FOXA1: variants seen among roughly 807,000 people sequenced by gnomAD.
FOXA1 encodes forkhead box A1, also known as hepatocyte nuclear factor 3-alpha.
In FOXA1, 9 loss-of-function variants were observed where a neutral mutation model predicts 29.2. The ratio of observed to expected loss-of-function variants is 0.31; its 90% CI spans 0.19 to 0.54. The LOEUF is 0.54. Among genes scored for constraint, FOXA1 ranks in the 20% least tolerant of loss-of-function variants. The probability of loss-of-function intolerance (pLI) is 0.95; values close to 1 mark genes in which losing one functional copy is unlikely to be tolerated. For synonymous variants in FOXA1, 340 were observed against 300.9 expected (o/e 1.13, Z -1.34); for missense variants, 644 against 681.2 (o/e 0.95, Z 0.61).
rs1474381066 is a variant in FOXA1 at position 37,591,712 on chromosome 14, G to A, written c.1072C>T (p.Pro358Ser). 4 of 1,580,964 alleles carry A rather than the reference G, an allele frequency of 2.5e-6. No homozygotes were observed. The highest frequency in any genetic ancestry group is 2.7e-5 in the African/African-American group (2 of 74,242). The change falls in exon 2 of 2, where the codon CCC becomes TCC. Residue 358 changes from proline to serine, a missense_variant. Physicochemically the swap from Pro to Ser is moderately conservative, Grantham distance 74. Coordinates refer to ENST00000250448, the MANE Select transcript of FOXA1 (RefSeq NM_004496.5). ...GCCCCGGGCCCGGAGCTTATGGGGG[G>A]CGCAGTTGAGGAGGCTGGAGTCTTC... is the stretch of plus-strand genomic sequence containing the variant. ...ELKTPASSTA[P>S]PISSGPGALA...
In FOXA1 at chr14:37,589,719, CA is replaced by C. The variant is rs11335498; in HGVS notation, c.*1645del. Among the ~76,000 whole-genome samples the C allele has an allele frequency of 0.19, 26,772 of 138,616 alleles. 3,323 individuals are homozygous for C. The highest frequency in any genetic ancestry group is 0.38 in the African/African-American group (14,411 of 38,216). The allele number at this position is 138,616 out of a possible 152,430, so 90.9% of individuals were successfully genotyped here. A position where few individuals can be genotyped will look rare whatever the true frequency, so the allele number is the denominator to read the frequency against. ...AAACACAGAAGGCTTAAGCCGGTGTCAAAAAAAAAAAAAAAAATGAAGTAAA... is the reference window on the plus strand; with the variant it reads ...AAACACAGAAGGCTTAAGCCGGTGTCAAAAAAAAAAAAAAAATGAAGTAAA... On this transcript the variant is annotated 3_prime_UTR_variant, in exon 2 of 2. Transcript: ENST00000250448.
intron 1 of FOXA1, chr14:37,594,159 T>C: frequency 7.8e-7 from 1 of 1,288,708 alleles, no homozygotes. Context: ...AATTAAACTT[T>C]TGGAGGGTAA....
rs1481189129 is a variant in FOXA1, at chr14:37,590,462, G to C, written c.*903C>G. 12 of 226,888 alleles carry C rather than the reference G, an allele frequency of 5.3e-5. No homozygotes were observed. The highest frequency in any genetic ancestry group is 9.6e-5 in the Non-Finnish European group (11 of 114,330). The allele number at this position is 226,888 out of a possible 1,614,324, so 14.1% of individuals were successfully genotyped here. ...ATACACTCATAGAAACTAATTTTATGTGTTATGTGACCTCAGAATGACATG... is the reference window on the plus strand; with the variant it reads ...ATACACTCATAGAAACTAATTTTATCTGTTATGTGACCTCAGAATGACATG... On this transcript the variant is annotated 3_prime_UTR_variant, in exon 2 of 2. Transcript: ENST00000250448.
chr14:37,594,137 T>C (rs1278238746), intron 1 of FOXA1: 1 of 1,288,260 alleles, frequency 7.8e-7, no homozygotes. Flanking sequence ...AATACGCGTT[T>C]TCAATAATGG....
rs942888244 is a variant in FOXA1, at chr14:37,594,066, T to C, written c.72+835A>G. ...TATTTTTCTGTCCACGTCTTAAAAG[T>C]ATTTTTTACCTTGGGGCTTTATTTT... On this transcript the variant is annotated intron_variant, in intron 1 of 1. Coordinates refer to ENST00000250448, the MANE Select transcript of FOXA1 (RefSeq NM_004496.5). 11 of 1,247,646 alleles carry C rather than the reference T, an allele frequency of 8.8e-6. No individual in the cohort carries two copies. The African/African-American group carries it at 1.6e-4, about 18-fold the overall frequency. 77.3% of individuals were successfully genotyped at this position (1,247,646 alleles called of 1,614,324 possible).
rs1289599630 is a variant in FOXA1 at position 37,589,937 on chromosome 14, T to C, written c.*1428A>G. On this transcript the variant is annotated 3_prime_UTR_variant, in exon 2 of 2. Coordinates refer to ENST00000250448, the MANE Select transcript of FOXA1 (RefSeq NM_004496.5). ...ATTTGAAAAATATCGTATTCAGAAA[T>C]ATTCACTTCGGATTTAGTTAAGTGA... 2 of 232,110 alleles carry C rather than the reference T, an allele frequency of 8.6e-6. No homozygotes were observed. Among genetic ancestry groups the C allele is most frequent in the Non-Finnish European group, 1.7e-5 (2 of 117,384 alleles). 14.4% of individuals were successfully genotyped at this position (232,110 alleles called of 1,614,324 possible).
rs748008039 is a variant in FOXA1 at position 37,592,520 on chromosome 14, G to A, written c.264C>T (p.Gly88=). 25 of 1,612,792 alleles carry A rather than the reference G, an allele frequency of 1.6e-5. No homozygotes were observed. The highest frequency in any genetic ancestry group is 2.0e-5 in the Non-Finnish European group (24 of 1,179,630). ...SPGAVAGMPG[G]SAGAMNSMTA... is the part of the protein sequence containing the mutation. Reference sequence around the variant, plus strand: ...TCATGCTGTTCATGGCGCCCGCCGAGCCCCCCGGCATGCCGGCTACTGCGC... The same window carrying A: ...TCATGCTGTTCATGGCGCCCGCCGAACCCCCCGGCATGCCGGCTACTGCGC... The change falls in exon 2 of 2, where the codon GGC becomes GGT. Residue 88 remains glycine (G), a synonymous_variant. Coordinates refer to ENST00000250448, the MANE Select transcript of FOXA1 (RefSeq NM_004496.5).
rs547119825 is a variant in FOXA1, at chr14:37,592,388, G to T, written c.396C>A (p.Ala132=). 7.1e-5 allele frequency: 114 copies of T among 1,601,292 alleles called. 1 individual carries two copies. In the South Asian group the frequency reaches 1.1e-3, roughly 16 times the overall value. The change falls in exon 2 of 2, where the codon GCC becomes GCA. Residue 132 remains alanine, a synonymous_variant. Transcript: ENST00000250448. The part of the protein sequence containing the change: ...ASMNGLGPYA[A]AMNPCMSPMA... The stretch of plus-strand genomic sequence containing the variant: ...TGGGGCTCATGCACGGGTTCATGGC[G>T]GCCGCGTAGGGGCCCAGGCCATTCA...
Position 37,595,031 on chromosome 14 carries a change from C to A in FOXA1, c.-59G>T, listed in dbSNP as rs2095600908. 1.3e-6 allele frequency: 2 copies of A among 1,487,960 alleles called. No homozygotes were observed. The highest frequency in any genetic ancestry group is 2.6e-5 in the East Asian group (1 of 38,940). The allele number at this position is 1,487,960 out of a possible 1,614,324, so 92.2% of individuals were successfully genotyped here. ...CCCTGTGCGAAGCGACGGGCGGCCG[C>A]GCGGCGCGGGGCGGGGGAGGGGAGC... On this transcript the variant is annotated 5_prime_UTR_variant, in exon 1 of 2. Coordinates refer to ENST00000250448, the MANE Select transcript of FOXA1 (RefSeq NM_004496.5).
chr14:37,593,492 C>CTT (rs879353803), intron 1 of FOXA1, among the ~76,000 whole-genome samples: 3 of 146,528 alleles, frequency 2.0e-5, no homozygotes, highest in African/African-American at 2.5e-5. Flanking sequence ...CAAAATAAAT[C>CTT]TTTTTTTTTT....
rs2095597155 is a variant in FOXA1, at chr14:37,592,610, G to T, written c.174C>A (p.Asn58Lys). 6 of 1,614,240 alleles carry T rather than the reference G, an allele frequency of 3.7e-6. No homozygotes were observed. In the South Asian group the frequency reaches 5.5e-5, roughly 15 times the overall value. ...ACATGTTGAAGGACGCCGGGGTCAT[G>T]TTGCCGCTCGTAGTCATGGTGTTCA... is the stretch of plus-strand genomic sequence containing the variant. ...MTMNTMTTSG[N>K]MTPASFNMSY... The change falls in exon 2 of 2, where the codon AAC (asparagine) becomes AAA (lysine). Residue 58 changes from asparagine (N) to lysine (K), a missense_variant. By Grantham distance (94) the Asn-to-Lys change is moderately conservative (BLOSUM62 0). Around this residue, in one of 5 missense-constraint regions of FOXA1, gnomAD observed 309 missense variants for 307.0 expected, o/e 1.01. Coordinates refer to ENST00000250448, the MANE Select transcript of FOXA1 (RefSeq NM_004496.5).
intron 1 of FOXA1, 49 bp from the exon 2 acceptor site, chr14:37,592,760 G>T (rs750124301): frequency 6.2e-7 from 1 of 1,601,932 alleles, no homozygotes; most frequent in Non-Finnish European, 8.5e-7. Context: ...GGGGTTAGTG[G>T]TGGGCACTGG....
In FOXA1 at chr14:37,591,478, T is replaced by G. The variant is rs920525981; in HGVS notation, c.1306A>C (p.Ser436Arg). The change falls in exon 2 of 2, where the codon AGC (serine) becomes CGC (arginine). Residue 436 changes from serine to arginine, a missense_variant. Transcript: ENST00000250448. Reference sequence around the variant, plus strand: ...ACCGAGGCGCTGCCTAGAGGCAGGCTGGCGGGCAACGTAGAGCCGTAAGGC... The same window carrying G: ...ACCGAGGCGCTGCCTAGAGGCAGGCGGGCGGGCAACGTAGAGCCGTAAGGC... ...YSPYGSTLPA[S>R]LPLGSASVTT... The G allele has an allele frequency of 1.2e-6, 2 of 1,614,070 alleles. No homozygotes were observed. The highest frequency in any genetic ancestry group is 1.7e-5 in the Admixed American group (1 of 60,012).
chr14:37,592,067 G>C lies in FOXA1; in HGVS notation c.717C>G (p.Gly239=). The part of the protein sequence containing the change: ...VKVARSPDKP[G]KGSYWTLHPD... ...GGTGCAGCGTCCAGTAGGAGCCCTT[G>C]CCCGGCTTGTCCGGGGAGCGTGCCA... is the stretch of plus-strand genomic sequence containing the variant. The change falls in exon 2 of 2, where the codon GGC becomes GGG. Residue 239 remains glycine, a synonymous_variant. Coordinates refer to ENST00000250448, the MANE Select transcript of FOXA1 (RefSeq NM_004496.5). 1 of 1,610,508 alleles carries C rather than the reference G, an allele frequency of 6.2e-7. No homozygotes were observed. Among genetic ancestry groups the C allele is most frequent in the South Asian group, 1.1e-5 (1 of 90,602 alleles).
rs983365702 is a variant in FOXA1, at chr14:37,591,810, G to A, written c.974C>T (p.Ala325Val). 6.9e-6 allele frequency: 10 copies of A among 1,459,438 alleles called. No homozygotes were observed. The highest frequency in any genetic ancestry group is 1.4e-5 in the South Asian group (1 of 69,054). The allele number at this position is 1,459,438 out of a possible 1,614,324, so 90.4% of individuals were successfully genotyped here. A position where few individuals can be genotyped will look rare whatever the true frequency, so the allele number is the denominator to read the frequency against. The change falls in exon 2 of 2, where the codon GCC becomes GTC. Residue 325 changes from alanine (A) to valine (V), a missense_variant. Around this residue, in one of 5 missense-constraint regions of FOXA1, gnomAD observed 295 missense variants for 294.4 expected, o/e 1.00. Coordinates refer to ENST00000250448, the MANE Select transcript of FOXA1 (RefSeq NM_004496.5). ...GKTGQLEGAP[A>V]PGPAASPQTL... ...CTGGGGGCTGGCGGCGGGCCCGGGG[G>A]CCGGCGCGCCCTCTAGCTGGCCGGT...
chr14:37,594,786 A>C, intron 1 of FOXA1, 115 bp downstream of exon 1: 11 of 638,290 alleles, frequency 1.7e-5, no homozygotes, highest in Non-Finnish European at 2.3e-5. Flanking sequence ...GGTGGCACCG[A>C]GAAGGCGCCC....
In FOXA1 at chr14:37,592,649, G is replaced by A. The variant is rs201660304; in HGVS notation, c.135C>T (p.Asn45=). ...NSGLGSMNSM[N]TYMTMNTMTT... is the part of the protein sequence containing the mutation. Reference sequence around the variant, plus strand: ...TCATGGTGTTCATGGTCATGTAGGTGTTCATGGAGTTCATGGAGCCCAGGC... The same window carrying A: ...TCATGGTGTTCATGGTCATGTAGGTATTCATGGAGTTCATGGAGCCCAGGC... Residue 45 remains asparagine (N), a synonymous_variant, in exon 2 of 2, where the codon AAC becomes AAT. Coordinates refer to ENST00000250448, the MANE Select transcript of FOXA1 (RefSeq NM_004496.5). 2.1e-5 allele frequency: 34 copies of A among 1,614,184 alleles called. No individual in the cohort carries two copies. In the African/African-American group the frequency reaches 4.3e-4, roughly 20 times the overall value.
intron 1 of FOXA1, chr14:37,594,481 G>A (rs1418575638): frequency 5.2e-5 from 31 of 598,352 alleles, no homozygotes; most frequent in Non-Finnish European, 6.6e-5. Flanking sequence ...TTAATCAGAA[G>A]ACGTCTGCGA....
rs1198728189 is a variant in FOXA1 at position 37,591,832 on chromosome 14, C to A, written c.952G>T (p.Gly318Cys). The part of the protein sequence containing the change: ...PLHRGVHGKT[G>C]QLEGAPAPGP... The stretch of plus-strand genomic sequence containing the variant: ...GGGGCCGGCGCGCCCTCTAGCTGGC[C>A]GGTCTTCCCGTGCACACCCCGATGG... Residue 318 changes from glycine to cysteine, a missense_variant, in exon 2 of 2, where the codon GGC becomes TGC. Around this residue, in one of 5 missense-constraint regions of FOXA1, gnomAD observed 295 missense variants for 294.4 expected, o/e 1.00. Transcript: ENST00000250448. 1 of 1,454,990 alleles carries A rather than the reference C, an allele frequency of 6.9e-7. No individual in the cohort carries two copies. Among genetic ancestry groups the A allele is most frequent in the Non-Finnish European group, 9.0e-7 (1 of 1,108,502 alleles). The allele number at this position is 1,454,990 out of a possible 1,614,324, so 90.1% of individuals were successfully genotyped here.
Sources: allele counts gnomAD v4.1 joint callset (sites outside exome capture counted in the v4.1 genomes callset), GRCh38; gene constraint gnomAD v4.1.1; regional missense constraint gnomAD v4.1.1; transcripts MANE v1.5; gene names NCBI Gene and HGNC (gene_info 2026-07-23, HGNC 2026-07-21).